The following MAGI2 variants were observed in gnomAD, a reference collection of about 807,000 sequenced individuals.
MAGI2 encodes the protein membrane associated guanylate kinase, WW and PDZ domain containing 2.
Under a neutral mutation model 133.3 loss-of-function variants are expected in MAGI2, and 35 were observed. That is an observed-to-expected ratio of 0.26 (90% CI 0.20 to 0.35). The LOEUF (loss-of-function observed/expected upper bound fraction) is 0.35. MAGI2 is among the 10% of genes least tolerant of loss of function. The pLI is 1.00. For missense variants in MAGI2, 1,636 were observed against 1,863.4 expected, an observed-to-expected ratio of 0.88 and a Z score of 2.25; for synonymous variants, 729 against 710.6, an observed-to-expected ratio of 1.03 and a Z score of -0.41.
chr7:79,378,926 GTATATATATATATATATATATATATATA>G (rs59388508), intron 1 of MAGI2, among the ~76,000 whole-genome samples: 4 of 94,594 alleles, frequency 4.2e-5, no homozygotes, highest in African/African-American at 7.2e-5. Context: ...ATGTGTGTGT[GTATATATATATATATATATATATATATA>G]TATATATATA....
intron 1 of MAGI2, among the ~76,000 whole-genome samples, chr7:79,323,352 C>T (rs1839345695): frequency 6.6e-6 from 1 of 152,130 alleles, no homozygotes; most frequent in Non-Finnish European, 1.5e-5. Context: ...ACTAGAATAT[C>T]TAGGGGAAAT....
intron 2 of MAGI2, among the ~76,000 whole-genome samples, chr7:78,775,143 C>A (rs943073343): frequency 5.9e-5 from 9 of 151,286 alleles, no homozygotes; most frequent in Admixed American, 6.6e-5. Context: ...GAAACCCCAT[C>A]TCTACCAAAA....
At chr7:79,128,768 T>C (rs1584996668) in intron 1 of MAGI2, among the ~76,000 whole-genome samples, 1 of 152,240 alleles carries the variant, frequency 6.6e-6, no homozygotes. Flanking sequence ...TCTCCTAACT[T>C]ATGATGGGGT....
chr7:79,117,005 A>C (rs1161796784), intron 1 of MAGI2, among the ~76,000 whole-genome samples: 2 of 152,192 alleles, frequency 1.3e-5, no homozygotes, highest in African/African-American at 4.8e-5. Context: ...GGGCTAATAC[A>C]CCCAGGCACC....
chr7:78,706,314 T>A (rs1043829905), intron 2 of MAGI2, among the ~76,000 whole-genome samples: 7 of 152,052 alleles, frequency 4.6e-5, no homozygotes, highest in Admixed American at 3.9e-4. Flanking sequence ...TTTCTGTTTT[T>A]GCTTCTTCCT....
chr7:78,996,703 T>A (rs1230157355), intron 2 of MAGI2, among the ~76,000 whole-genome samples: 2 of 152,200 alleles, frequency 1.3e-5, no homozygotes, highest in Admixed American at 6.5e-5. Context: ...AAGGAAAGTA[T>A]GTTCTACCTC....
chr7:79,352,988 C>T (rs1183012105), intron 1 of MAGI2, among the ~76,000 whole-genome samples: 2 of 152,184 alleles, frequency 1.3e-5, no homozygotes, highest in East Asian at 3.9e-4. Flanking sequence ...ATTTCATCCT[C>T]TCATCTACCC....
rs151146549 is a variant in MAGI2 at position 78,420,534 on chromosome 7, A to G, written c.1046-51321T>C. Among the ~76,000 whole-genome samples, 17 of 144,496 alleles carry G rather than the reference A, an allele frequency of 1.2e-4. No individual in the cohort carries two copies. In the East Asian group the frequency reaches 3.4e-3, roughly 29 times the overall value. The allele number at this position is 144,496 out of a possible 152,430, so 94.8% of individuals were successfully genotyped here. On this transcript the variant is annotated intron_variant, in intron 6 of 21. Transcript: ENST00000354212. The stretch of plus-strand genomic sequence containing the variant: ...TTATCTGCATTGTTTGACTCAACCT[A>G]CAATGGTTGAAATGAGATTTTTTTT...
intron 2 of MAGI2, among the ~76,000 whole-genome samples, chr7:78,916,093 T>C (rs1798771562): frequency 1.3e-5 from 2 of 152,132 alleles, no homozygotes; most frequent in African/African-American, 2.4e-5. Flanking sequence ...CTAAAGAGTA[T>C]AGCAGATGTT....
At chr7:78,555,182 G>C (rs1722814239) in intron 3 of MAGI2, among the ~76,000 whole-genome samples, 1 of 134,640 alleles carries the variant, frequency 7.4e-6, no homozygotes, top group Admixed American at 7.9e-5. Context: ...ATGAATGATA[G>C]AGGACGGTTG....
intron 21 of MAGI2, among the ~76,000 whole-genome samples, chr7:78,041,171 G>A (rs1189447383): frequency 1.3e-5 from 2 of 152,198 alleles, no homozygotes; most frequent in Non-Finnish European, 2.9e-5. Context: ...TGCGATGGAA[G>A]GCTCCTTCAG....
At chr7:78,332,047 A>G (rs1789260765) in intron 9 of MAGI2, among the ~76,000 whole-genome samples, 1 of 152,228 alleles carries the variant, frequency 6.6e-6, no homozygotes, top group East Asian at 1.9e-4. Flanking sequence ...ACACTTCGCT[A>G]TATCTGCACT....
At chr7:78,577,027 T>C (rs1379295616) in intron 3 of MAGI2, among the ~76,000 whole-genome samples, 1 of 152,216 alleles carries the variant, frequency 6.6e-6, no homozygotes, top group East Asian at 1.9e-4. Context: ...TCTGCTTTTT[T>C]GTTATAGGGG....
At chr7:78,056,251 T>G (rs1180575867) in intron 21 of MAGI2, among the ~76,000 whole-genome samples, 1 of 152,202 alleles carries the variant, frequency 6.6e-6, no homozygotes, top group African/African-American at 2.4e-5. Flanking sequence ...TGACAGGATT[T>G]CCTTCTTTTT....
At chr7:79,042,213 G>C (rs999190170) in intron 1 of MAGI2, among the ~76,000 whole-genome samples, 2 of 152,104 alleles carry the variant, frequency 1.3e-5, no homozygotes, top group African/African-American at 4.8e-5. Flanking sequence ...GGAGATAAAT[G>C]AATGGCCATT....
chr7:78,292,298 CAG>C (rs917839955), intron 9 of MAGI2, among the ~76,000 whole-genome samples: 4 of 152,236 alleles, frequency 2.6e-5, no homozygotes, highest in African/African-American at 9.6e-5. Flanking sequence ...AACAGACAAA[CAG>C]AGAGTCAAAT....
chr7:79,432,242 A>C (rs983655273), intron 1 of MAGI2, among the ~76,000 whole-genome samples: 5 of 152,214 alleles, frequency 3.3e-5, no homozygotes, highest in Non-Finnish European at 7.3e-5. Flanking sequence ...TTTAATAGAC[A>C]ATGGAGTCTC....
intron 2 of MAGI2, among the ~76,000 whole-genome samples, chr7:78,990,514 G>T (rs1805656286): frequency 6.6e-6 from 1 of 151,978 alleles, no homozygotes; most frequent in Non-Finnish European, 1.5e-5. Flanking sequence ...TGTCCTTCTA[G>T]CTGCTGCCAT....
intron 2 of MAGI2, among the ~76,000 whole-genome samples, chr7:78,942,067 G>A (rs1801030395): frequency 2.6e-5 from 4 of 152,106 alleles, no homozygotes; most frequent in Admixed American, 2.6e-4. Context: ...TATACCATAT[G>A]TTGGTGGAAA....
Sources: allele counts gnomAD v4.1 joint callset (sites outside exome capture counted in the v4.1 genomes callset), GRCh38; gene constraint gnomAD v4.1.1; transcripts MANE v1.5; gene names NCBI Gene and HGNC (gene_info 2026-07-23, HGNC 2026-07-21).